NCALD: variants seen among roughly 807,000 people sequenced by gnomAD.
NCALD encodes the protein neurocalcin delta.
A neutral mutation model predicts 18.6 loss-of-function variants in NCALD; 10 were observed. That is an observed-to-expected ratio of 0.54 (90% CI 0.33 to 0.91). The LOEUF (loss-of-function observed/expected upper bound fraction) is 0.91, where lower values mean the gene tolerates loss of function less well. Ranked by LOEUF, NCALD falls within the 40% of genes least tolerant of loss-of-function variation. NCALD has a pLI of 0.03. For synonymous variants in NCALD, 88 were observed against 87.4 expected (o/e 1.01, Z -0.04); for missense variants, 184 against 247.6 (o/e 0.74, Z 1.72).
rs187591864 is a variant in NCALD at position 101,974,744 on chromosome 8, C to T, written c.-157+45493G>A. Among the ~76,000 whole-genome samples the T allele has an allele frequency of 4.5e-3, 688 of 152,172 alleles. 6 individuals carry two copies. Among genetic ancestry groups the T allele is most frequent in the African/African-American group, 0.016 (660 of 41,492 alleles). On this transcript the variant is annotated intron_variant, in intron 2 of 6. Transcript: ENST00000311028. ...GATACTAAAATAACTAACAACATGC[C>T]GACAAGGGGTAACTGCTATTCTAGA... is the stretch of plus-strand genomic sequence containing the variant.
At chr8:102,089,920 A>T (rs1160112374) in intron 1 of NCALD, among the ~76,000 whole-genome samples, 1 of 152,228 alleles carries the variant, frequency 6.6e-6, no homozygotes, top group Non-Finnish European at 1.5e-5. Context: ...TCCTTGAAGC[A>T]CTAATCTAAT....
At chr8:101,923,401 C>A (rs1818233085) in intron 2 of NCALD, among the ~76,000 whole-genome samples, 1 of 152,180 alleles carries the variant, frequency 6.6e-6, no homozygotes, top group East Asian at 1.9e-4. Flanking sequence ...AGGGTCTAAC[C>A]CCACCTTGGC....
chr8:101,862,317 A>G (rs559005337), intron 4 of NCALD, among the ~76,000 whole-genome samples: 4 of 152,360 alleles, frequency 2.6e-5, no homozygotes, highest in Admixed American at 1.3e-4. Flanking sequence ...ACTTACGGCA[A>G]TTGTGATATT....
intron 1 of NCALD, among the ~76,000 whole-genome samples, chr8:101,740,312 A>G (rs990492797): frequency 5.3e-5 from 8 of 152,228 alleles, no homozygotes; most frequent in African/African-American, 1.9e-4. Flanking sequence ...GCATGAGTCC[A>G]TAGGACTTTC....
intron 2 of NCALD, among the ~76,000 whole-genome samples, chr8:101,929,005 T>A (rs1050203094): frequency 1.3e-5 from 2 of 151,902 alleles, no homozygotes; most frequent in African/African-American, 4.8e-5. Context: ...GACAGTGTTA[T>A]CCAGAAGGCC....
rs568287379 is a variant in NCALD at position 101,754,424 on chromosome 8, A to G, written c.-19-34776T>C. On this transcript the variant is annotated intron_variant, in intron 1 of 3. Transcript: ENST00000220931. Reference sequence around the variant, plus strand: ...AAATTTATTCCTCACAGTTCTGGAGACTGGGAAGTCCAAGATGAAGGTGGC... The same window carrying G: ...AAATTTATTCCTCACAGTTCTGGAGGCTGGGAAGTCCAAGATGAAGGTGGC... 2.0e-5 allele frequency among the ~76,000 whole-genome samples: 3 copies of G among 152,184 alleles called. No individual in the cohort carries two copies. The South Asian group carries it at 6.2e-4, about 32-fold the overall frequency.
chr8:102,032,379 A>G (rs1255917776), intron 1 of NCALD, among the ~76,000 whole-genome samples: 2 of 152,140 alleles, frequency 1.3e-5, no homozygotes, highest in Non-Finnish European at 2.9e-5. Flanking sequence ...TTTGCATATG[A>G]TACTCCATTG....
intron 1 of NCALD, among the ~76,000 whole-genome samples, chr8:102,118,705 A>G (rs1271359313): frequency 6.6e-6 from 1 of 150,998 alleles, no homozygotes; most frequent in Non-Finnish European, 1.5e-5. Context: ...TCATCTAAAT[A>G]ATTAAAATAA....
chr8:102,033,875 T>C (rs975669312), intron 1 of NCALD, among the ~76,000 whole-genome samples: 10 of 152,108 alleles, frequency 6.6e-5, no homozygotes, highest in Non-Finnish European at 1.3e-4. Context: ...AGAAAAAGAA[T>C]CCTCACCAAC....
intron 1 of NCALD, among the ~76,000 whole-genome samples, chr8:101,787,856 T>G (rs768960919): frequency 7.9e-5 from 12 of 152,314 alleles, no homozygotes; most frequent in Non-Finnish European, 1.5e-4. Context: ...GTGCTTTACA[T>G]TAAGCTGGAA....
chr8:101,865,502 C>T (rs982973526), intron 4 of NCALD, among the ~76,000 whole-genome samples: 2 of 152,142 alleles, frequency 1.3e-5, no homozygotes, highest in African/African-American at 4.8e-5. Context: ...TGTCAACTGC[C>T]TGCAGGAAAC....
intron 2 of NCALD, among the ~76,000 whole-genome samples, chr8:101,964,410 T>C (rs556689082): frequency 6.6e-6 from 1 of 152,296 alleles, no homozygotes; most frequent in African/African-American, 2.4e-5. Flanking sequence ...CTTGCATAGA[T>C]TCAAAGGCAA....
chr8:101,825,834 A>G (rs911078681), intron 4 of NCALD, among the ~76,000 whole-genome samples: 1 of 152,228 alleles, frequency 6.6e-6, no homozygotes, highest in African/African-American at 2.4e-5. Flanking sequence ...AAAAGCAGCT[A>G]TAGACAATAT....
In NCALD at chr8:101,913,411, A is replaced by G. The variant is rs527620361; in HGVS notation, c.-107+2398T>C. 6.5e-4 allele frequency among the ~76,000 whole-genome samples: 99 copies of G among 152,378 alleles called. 2 individuals carry two copies. In the South Asian group the frequency reaches 0.02, roughly 31 times the overall value. On this transcript the variant is annotated intron_variant, in intron 3 of 6. Transcript: ENST00000311028. ...CCAATTCAAAACTTGAATGCAGAAA[A>G]TCATTCTCCATGAGTGAGTCTTGAA...
chr8:101,894,678 G>T (rs1287158936), intron 3 of NCALD, among the ~76,000 whole-genome samples: 2 of 150,436 alleles, frequency 1.3e-5, no homozygotes, highest in African/African-American at 2.5e-5. Flanking sequence ...TGATAAAGGG[G>T]GTATCACCAC....
chr8:101,931,681 GTTTTGCTTTTGCTGTCCTTTTCA>G (rs1818580057), intron 2 of NCALD, among the ~76,000 whole-genome samples: 2 of 150,492 alleles, frequency 1.3e-5, no homozygotes, highest in African/African-American at 4.9e-5. Context: ...GTTTTGGTTT[GTTTTGCTTTTGCTGTCCTTTTCA>G]TTTTCCTTTT....
At chr8:101,877,403 C>G (rs1315609651) in intron 4 of NCALD, among the ~76,000 whole-genome samples, 1 of 152,146 alleles carries the variant, frequency 6.6e-6, no homozygotes, top group Non-Finnish European at 1.5e-5. Flanking sequence ...CCAGCATTCC[C>G]CTATTATCCA....
chr8:101,783,286 A>T (rs1812090806), intron 1 of NCALD, among the ~76,000 whole-genome samples: 1 of 152,170 alleles, frequency 6.6e-6, no homozygotes, highest in African/African-American at 2.4e-5. Context: ...ATTTCTCTAC[A>T]GCAGAAGGGA....
upstream of NCALD, among the ~76,000 whole-genome samples, chr8:101,793,952 A>G (rs1392648954): frequency 6.6e-6 from 1 of 152,152 alleles, no homozygotes; most frequent in East Asian, 1.9e-4. Context: ...CGATGTTTGT[A>G]CATAGGGATG....
Sources: gnomAD v4.1 joint callset for allele counts (sites outside exome capture counted in the v4.1 genomes callset) on GRCh38, gnomAD v4.1.1 for gene constraint, MANE v1.5 for transcripts, NCBI Gene and HGNC (gene_info 2026-07-23, HGNC 2026-07-21) for gene names.